WNK1: variants seen among roughly 807,000 people sequenced by gnomAD.
WNK1 encodes serine/threonine-protein kinase WNK1.
WNK1 carries 38 observed loss-of-function variants against 222.8 expected under a neutral mutation model. The ratio of observed to expected loss-of-function variants is 0.17; its 90% CI spans 0.13 to 0.22. The LOEUF (loss-of-function observed/expected upper bound fraction) is 0.22, where lower values mean the gene tolerates loss of function less well. Among genes scored for constraint, WNK1 ranks in the 10% least tolerant of loss-of-function variants. The pLI, the probability that WNK1 is intolerant of heterozygous loss-of-function variation, is 1.00. For missense variants in WNK1, 2,348 were observed against 2,918.4 expected (o/e 0.80, Z 4.50); for synonymous variants, 1,090 against 1,092.9 (o/e 1.00, Z 0.05).
At chr12:837,707 T>A (rs944053475) in intron 4 of WNK1, among the ~76,000 whole-genome samples, 2 of 152,116 alleles carry the variant, frequency 1.3e-5, no homozygotes, top group Non-Finnish European at 2.9e-5. Context: ...TTAAGTTAGG[T>A]TGCAATTAGT....
chr12:899,503 A>C (rs987296341), intron 25 of WNK1, among the ~76,000 whole-genome samples: 4 of 152,084 alleles, frequency 2.6e-5, no homozygotes, highest in Non-Finnish European at 5.9e-5. Flanking sequence ...GACTGGTCTG[A>C]AACTTCTGGC....
rs911381418 is a variant in WNK1 at position 896,192 on chromosome 12, G to A, written c.5705G>A (p.Ser1902Asn). Residue 1902 changes from serine (S) to asparagine (N), a missense_variant, in exon 24 of 28, where the codon AGT becomes AAT. Ser to Asn is a conservative substitution (Grantham distance 46, BLOSUM62 1). Coordinates refer to ENST00000315939, the MANE Select transcript of WNK1 (RefSeq NM_018979.4). Reference sequence around the variant, plus strand: ...GTGCTATCAAGTAGTAGTCCAGAGAGTACCTTGGTGAAACCAGAGCCGAAT... The same window carrying A: ...GTGCTATCAAGTAGTAGTCCAGAGAATACCTTGGTGAAACCAGAGCCGAAT... ...SSVLSSSSPE[S>N]TLVKPEPNGI... 1.2e-6 allele frequency: 2 copies of A among 1,614,086 alleles called. No individual in the cohort carries two copies. The highest frequency in any genetic ancestry group is 1.3e-5 in the African/African-American group (1 of 74,920).
At chr12:807,961 C>T (rs1404398378) in intron 1 of WNK1, among the ~76,000 whole-genome samples, 1 of 151,926 alleles carries the variant, frequency 6.6e-6, no homozygotes, top group Admixed American at 6.6e-5. Flanking sequence ...CCTCGTGATC[C>T]GCCCGCCTCG....
chr12:769,366 T>G (rs895829171), intron 1 of WNK1, among the ~76,000 whole-genome samples: 84 of 151,936 alleles, frequency 5.5e-4, no homozygotes, highest in Non-Finnish European at 5.9e-5. Context: ...GACCGGCTAG[T>G]TTTTGTATTT....
rs72649879 is a variant in WNK1 at position 878,321 on chromosome 12, A to G, written c.2333A>G (p.Gln778Arg). Residue 778 changes from glutamine (Q) to arginine (R), a missense_variant, in exon 10 of 28, where the codon CAA becomes CGA. Coordinates refer to ENST00000315939, the MANE Select transcript of WNK1 (RefSeq NM_018979.4). ...ACTGCACAGCCAGTGAGTCAGCCTC[A>G]AGCTCCACAAGTCTTGCCTCAAGTA... ...ATTAQPVSQP[Q>R]APQVLPQVSA... 5 of 1,614,096 alleles carry G rather than the reference A, an allele frequency of 3.1e-6. No homozygotes were observed. Among genetic ancestry groups the G allele is most frequent in the Non-Finnish European group, 4.2e-6 (5 of 1,179,982 alleles).
At chr12:905,911 A>G (rs1382761788) in intron 26 of WNK1, among the ~76,000 whole-genome samples, 1 of 152,182 alleles carries the variant, frequency 6.6e-6, no homozygotes, top group Non-Finnish European at 1.5e-5. Flanking sequence ...GTGTCTTGCC[A>G]TAGCGGTAAG....
At chr12:829,947 G>T in intron 3 of WNK1, 56 bp from the exon 4 acceptor site, 1 of 1,601,576 alleles carries the variant, frequency 6.2e-7, no homozygotes, top group South Asian at 1.1e-5. Flanking sequence ...TCACCCCGGT[G>T]AGTAACGTCT....
At chr12:893,541 G>A (rs988128635) in intron 22 of WNK1, among the ~76,000 whole-genome samples, 1 of 152,084 alleles carries the variant, frequency 6.6e-6, no homozygotes, top group African/African-American at 2.4e-5. Flanking sequence ...ATAATTCTGA[G>A]GGCTGGGTGC....
In WNK1 at chr12:896,616, C is replaced by G. The variant is rs762728186; in HGVS notation, c.6129C>G (p.Ser2043Arg). 1 of 1,608,208 alleles carries G rather than the reference C, an allele frequency of 6.2e-7. No individual in the cohort carries two copies. ...PHQLSSKSLP[S>R]QNLSQSLSNS... The stretch of plus-strand genomic sequence containing the variant: ...AGCTGAGCTCAAAGAGCCTTCCTAG[C>G]CAGAATCTAAGTCAAAGCCTTAGTA... Residue 2043 changes from serine to arginine, a missense_variant, in exon 24 of 28, where the codon AGC (serine) becomes AGG (arginine). Ser to Arg is a moderately radical substitution (Grantham distance 110, BLOSUM62 -1). Transcript: ENST00000315939.
rs1322247310 is a variant in WNK1 at position 896,264 on chromosome 12, A to G, written c.5777A>G (p.His1926Arg). The change falls in exon 24 of 28, where the codon CAC (histidine) becomes CGC (arginine). Residue 1926 changes from histidine (H) to arginine (R), a missense_variant. This residue lies in a region of WNK1 where 1,144 missense variants were observed against 1,273.6 expected (regional missense o/e 0.90). Coordinates refer to ENST00000315939, the MANE Select transcript of WNK1 (RefSeq NM_018979.4). Reference sequence around the variant, plus strand: ...TCTTCAGATGTGCCAGAGAGTGCCCACAAAACTACTGCCTCAGAGGCAAAG... The same window carrying G: ...TCTTCAGATGTGCCAGAGAGTGCCCGCAAAACTACTGCCTCAGAGGCAAAG... ...GISSDVPESA[H>R]KTTASEAKSD... 6.2e-7 allele frequency: 1 copy of G among 1,614,096 alleles called. No individual in the cohort carries two copies. The highest frequency in any genetic ancestry group is 1.3e-5 in the African/African-American group (1 of 74,920).
At chr12:908,152 G>GA in intron 27 of WNK1, 118 bp downstream of exon 27, 1 of 1,307,346 alleles carries the variant, frequency 7.6e-7, no homozygotes, top group Non-Finnish European at 1.1e-6. Flanking sequence ...TAATACTTTA[G>GA]AAAAACAAGG....
intron 1 of WNK1, among the ~76,000 whole-genome samples, chr12:778,795 A>G (rs1031561806): frequency 6.6e-6 from 1 of 152,196 alleles, no homozygotes; most frequent in African/African-American, 2.4e-5. Context: ...ATTCTTAGTA[A>G]TACTGGTAAT....
At chr12:818,681 G>C (rs976897851) in intron 2 of WNK1, among the ~76,000 whole-genome samples, 1 of 152,046 alleles carries the variant, frequency 6.6e-6, no homozygotes. Flanking sequence ...CATCTCTATG[G>C]ATTTATCTAA....
chr12:766,863 G>A (rs1369842309), intron 1 of WNK1, among the ~76,000 whole-genome samples: 1 of 151,898 alleles, frequency 6.6e-6, no homozygotes, highest in African/African-American at 2.4e-5. Flanking sequence ...TGCAGCCTCC[G>A]CCTCCCAGGT....
At chr12:899,916 T>C (rs1480322457) in intron 25 of WNK1, among the ~76,000 whole-genome samples, 1 of 151,958 alleles carries the variant, frequency 6.6e-6, no homozygotes, top group Non-Finnish European at 1.5e-5. Context: ...CTAGGTACTC[T>C]GGTCTTCTTA....
In WNK1 at chr12:894,273, C is replaced by T. The variant is rs12424810; in HGVS notation, c.5510-289C>T. On this transcript the variant is annotated intron_variant, in intron 22 of 27. Coordinates refer to ENST00000315939, the MANE Select transcript of WNK1 (RefSeq NM_018979.4). ...CAGTAAAATCTCATCCTTCATTTCA[C>T]TTACTTATATATCTGAATTAAAGAA... Among the ~76,000 whole-genome samples, 15,541 of 152,184 alleles carry T rather than the reference C, an allele frequency of 0.1. 933 individuals are homozygous for T. The highest frequency in any genetic ancestry group is 0.17 in the South Asian group (805 of 4,820).
At chr12:790,304 A>G (rs193088342) in intron 1 of WNK1, among the ~76,000 whole-genome samples, 1 of 152,116 alleles carries the variant, frequency 6.6e-6, no homozygotes, top group Admixed American at 6.5e-5. Flanking sequence ...GGGTCTTGCT[A>G]TGTTGACCAA....
At chr12:801,905 G>A (rs1945918114) in intron 1 of WNK1, among the ~76,000 whole-genome samples, 1 of 152,078 alleles carries the variant, frequency 6.6e-6, no homozygotes, top group Admixed American at 6.6e-5. Flanking sequence ...TTTTTTGAGT[G>A]ATGACCACCA....
chr12:785,144 T>G (rs1197388145), intron 1 of WNK1, among the ~76,000 whole-genome samples: 1 of 152,148 alleles, frequency 6.6e-6, no homozygotes, highest in Non-Finnish European at 1.5e-5. Context: ...TAACCTATTG[T>G]TTTTTTCCTC....
Sources: gnomAD v4.1 joint callset for allele counts (sites outside exome capture counted in the v4.1 genomes callset) on GRCh38, gnomAD v4.1.1 for gene constraint, gnomAD v4.1.1 regional missense constraint, MANE v1.5 for transcripts, NCBI Gene and HGNC (gene_info 2026-07-23, HGNC 2026-07-21) for gene names.